Variants in ASPSCR1 observed in about 807,000 individuals in gnomAD.
The protein encoded by ASPSCR1 is tether containing UBX domain for GLUT4.
ASPSCR1 carries 55 observed loss-of-function variants against 68.9 expected under a neutral mutation model. The observed-to-expected ratio is 0.80, with a 90% confidence interval of 0.64 to 1.00. The LOEUF (loss-of-function observed/expected upper bound fraction) is 1.00, where lower values mean the gene tolerates loss of function less well. Ranked by LOEUF, ASPSCR1 falls within the 50% of genes least tolerant of loss-of-function variation. The pLI, the probability that ASPSCR1 is intolerant of heterozygous loss-of-function variation, is 0.00. For missense variants in ASPSCR1, 765 were observed against 762.2 expected, an observed-to-expected ratio of 1.00 and a Z score of -0.04; for synonymous variants, 352 against 332.6, an observed-to-expected ratio of 1.06 and a Z score of -0.63.
Position 81,986,907 on chromosome 17 carries a change from G to A in ASPSCR1, c.374+1300G>A, listed in dbSNP as rs1048170249. On this transcript the variant is annotated intron_variant, in intron 4 of 15. Coordinates refer to ENST00000306739, the MANE Select transcript of ASPSCR1 (RefSeq NM_024083.4). The surrounding 1 kb of genome is among the most constrained non-coding windows in gnomAD (Gnocchi z 5.2). ...GGTCTCAGTGGTCATGGGGATGGAA[G>A]CCACCCCAGTGGCTGTCGGGGTGAA... 1.3e-5 allele frequency among the ~76,000 whole-genome samples: 2 copies of A among 152,204 alleles called. No homozygotes were observed. The highest frequency in any genetic ancestry group is 4.8e-5 in the African/African-American group (2 of 41,456).
intron 2 of ASPSCR1, among the ~76,000 whole-genome samples, chr17:81,982,050 C>G (rs759444439): frequency 6.6e-6 from 1 of 152,150 alleles, no homozygotes; most frequent in Non-Finnish European, 1.5e-5. Context: ...CACACTGCAA[C>G]CTCCGCCTCC....
At chr17:81,988,454 C>CAA (rs1231233227) in intron 4 of ASPSCR1, among the ~76,000 whole-genome samples, 3 of 70,982 alleles carry the variant, frequency 4.2e-5, no homozygotes, top group African/African-American at 5.3e-5. Context: ...GACTCCGTCT[C>CAA]AAAAAAAAAA....
intron 9 of ASPSCR1, among the ~76,000 whole-genome samples, chr17:82,010,373 C>T (rs2042889510): frequency 6.6e-6 from 1 of 151,280 alleles, no homozygotes; most frequent in African/African-American, 2.4e-5. Flanking sequence ...ACTAAAAATA[C>T]AAAAAATTAG....
chr17:82,009,364 C>T, intron 8 of ASPSCR1, 122 bp from the exon 9 acceptor site: 1 of 1,362,746 alleles, frequency 7.3e-7, no homozygotes, highest in Non-Finnish European at 9.9e-7. Flanking sequence ...TCCAGACCTT[C>T]CTGCCTTGTG....
intron 12 of ASPSCR1, chr17:82,015,585 G>C: frequency 1.6e-6 from 1 of 606,722 alleles, no homozygotes; most frequent in African/African-American, 1.8e-5. Flanking sequence ...CCTCTCGCCC[G>C]GCAGCAGGTG....
At chr17:82,010,598 G>A (rs1347806490) in intron 9 of ASPSCR1, among the ~76,000 whole-genome samples, 3 of 150,918 alleles carry the variant, frequency 2.0e-5, no homozygotes, top group Non-Finnish European at 2.9e-5. Flanking sequence ...AACGCAGGCC[G>A]CTGTGCACAC....
intron 7 of ASPSCR1, chr17:82,005,556 C>T (rs1364696555): frequency 6.6e-6 from 1 of 152,210 alleles, no homozygotes; most frequent in Non-Finnish European, 1.5e-5. Context: ...CGGCCACACA[C>T]CTGGGGGACC....
At chr17:81,991,826 A>G (rs899098980) in intron 4 of ASPSCR1, among the ~76,000 whole-genome samples, 10 of 152,310 alleles carry the variant, frequency 6.6e-5, no homozygotes, top group African/African-American at 2.4e-4. Flanking sequence ...TCTCGTCAGC[A>G]CCTGTGTTTG....
intron 7 of ASPSCR1, chr17:82,006,867 A>C (rs2042737734): frequency 6.6e-6 from 1 of 152,330 alleles, no homozygotes; most frequent in South Asian, 2.1e-4. Flanking sequence ...ACCAGTCAAC[A>C]GGGCTGGGTG....
At position 81,978,869 on chromosome 17, in the gene ASPSCR1, A is replaced by G. The variant is rs540305430; in HGVS notation, c.103-315A>G. On this transcript the variant is annotated intron_variant, in intron 1 of 15. Coordinates refer to ENST00000306739, the MANE Select transcript of ASPSCR1 (RefSeq NM_024083.4). ...TAGGCAAGTTTAAGGCAGGTTGCAG[A>G]ACTACAGGGTTTGAAGGAGAGCCCA... 3 of 439,970 alleles carry G rather than the reference A, an allele frequency of 6.8e-6. No homozygotes were observed. The South Asian group carries it at 7.5e-5, about 11-fold the overall frequency. 27.3% of individuals were successfully genotyped at this position (439,970 alleles called of 1,614,324 possible).
intron 7 of ASPSCR1, 145 bp from the exon 8 acceptor site, chr17:82,008,892 C>A: frequency 8.4e-7 from 1 of 1,184,558 alleles, no homozygotes; most frequent in Non-Finnish European, 1.1e-6. Context: ...CAGGACCTGG[C>A]CTTGGCCCTG....
chr17:82,008,611 T>G (rs11077964), intron 7 of ASPSCR1: 118,705 of 162,956 alleles, frequency 0.73, 44,526 homozygotes, highest in African/African-American at 0.87. Flanking sequence ...CGTGCATGGA[T>G]TCAGCCTGGC....
At chr17:81,993,755 C>T (rs1048520056) in intron 4 of ASPSCR1, among the ~76,000 whole-genome samples, 1 of 152,260 alleles carries the variant, frequency 6.6e-6, no homozygotes. Flanking sequence ...GTTTCCAGCC[C>T]AGCTGTTACC....
At chr17:81,979,104 A>G (rs2143983893) in intron 1 of ASPSCR1, 80 bp from the exon 2 acceptor site, 1 of 1,483,270 alleles carries the variant, frequency 6.7e-7, no homozygotes, top group Non-Finnish European at 9.4e-7. Flanking sequence ...AGGAAGCTGA[A>G]TGCCCTTGGC....
chr17:81,995,013 TG>T (rs1369555756), intron 5 of ASPSCR1, 135 bp downstream of exon 5: 1 of 1,026,974 alleles, frequency 9.7e-7, no homozygotes, highest in East Asian at 2.8e-5. Flanking sequence ...ACGTGTTTCA[TG>T]GAAAAAGAGG....
intron 7 of ASPSCR1, among the ~76,000 whole-genome samples, chr17:82,000,096 G>A (rs938064948): frequency 2.0e-5 from 3 of 152,234 alleles, no homozygotes; most frequent in Non-Finnish European, 2.9e-5. Flanking sequence ...CGTGTGCTCC[G>A]GGTGAGCAGG....
At position 81,987,002 on chromosome 17, in the gene ASPSCR1, A is replaced by G. The variant is rs1268605974; in HGVS notation, c.374+1395A>G. On this transcript the variant is annotated intron_variant, in intron 4 of 15. Coordinates refer to ENST00000306739, the MANE Select transcript of ASPSCR1 (RefSeq NM_024083.4). The surrounding 1 kb of genome is among the most constrained non-coding windows in gnomAD (Gnocchi z 5.6). The stretch of plus-strand genomic sequence containing the variant: ...TTCTCCCTCCCAAAACGGAACTCAG[A>G]CAACAGTGACGGAGCCTAAGAGCAA... 8.5e-5 allele frequency among the ~76,000 whole-genome samples: 13 copies of G among 152,162 alleles called. No homozygotes were observed. Among genetic ancestry groups the G allele is most frequent in the African/African-American group, 2.4e-4 (10 of 41,438 alleles).
intron 4 of ASPSCR1, among the ~76,000 whole-genome samples, chr17:81,991,414 C>T (rs1416454525): frequency 6.6e-6 from 1 of 152,208 alleles, no homozygotes; most frequent in Non-Finnish European, 1.5e-5. Flanking sequence ...TTCTGCAGCC[C>T]TCTGGGTGTG....
At chr17:81,994,718 G>T in intron 4 of ASPSCR1, 103 bp from the exon 5 acceptor site, 1 of 1,214,390 alleles carries the variant, frequency 8.2e-7, no homozygotes, top group South Asian at 1.2e-5. Flanking sequence ...GGTGCTGGGT[G>T]AGGGCCCCAC....
Sources: gnomAD v4.1 joint callset for allele counts (sites outside exome capture counted in the v4.1 genomes callset) on GRCh38, gnomAD v4.1.1 for gene constraint, Gnocchi (gnomAD v3.1) non-coding constraint, MANE v1.5 for transcripts, NCBI Gene and HGNC (gene_info 2026-07-23, HGNC 2026-07-21) for gene names.